OPCML: variants seen among roughly 807,000 people sequenced by gnomAD.
The protein encoded by OPCML is opioid-binding protein/cell adhesion molecule.
Under a neutral mutation model 37.8 loss-of-function variants are expected in OPCML, and 13 were observed. The observed-to-expected ratio is 0.34, with a 90% CI of 0.22 to 0.55. OPCML has a LOEUF of 0.55. Ranked by LOEUF, OPCML falls within the 20% of genes least tolerant of loss-of-function variation. OPCML has a pLI of 0.91. For synonymous variants in OPCML, 176 were observed against 168.8 expected (o/e 1.04, Z -0.33); for missense variants, 341 against 435.6 (o/e 0.78, Z 1.93).
chr11:133,099,425 G>A (rs893712858), intron 1 of OPCML, among the ~76,000 whole-genome samples: 1 of 148,542 alleles, frequency 6.7e-6, no homozygotes, highest in African/African-American at 2.5e-5. Context: ...ACCACACCTG[G>A]CTAATTTTCT....
chr11:132,490,059 A>G (rs1424421406), intron 4 of OPCML, among the ~76,000 whole-genome samples: 1 of 152,028 alleles, frequency 6.6e-6, no homozygotes, highest in African/African-American at 2.4e-5. Context: ...CATGGTGTAT[A>G]TGTGCCACAT....
At chr11:133,167,753 A>G (rs1950231002) in intron 1 of OPCML, among the ~76,000 whole-genome samples, 1 of 151,596 alleles carries the variant, frequency 6.6e-6, no homozygotes, top group African/African-American at 2.4e-5. Flanking sequence ...GCAGCAGTTC[A>G]CTCCAACACA....
At chr11:132,525,812 T>C (rs1161909521) in intron 4 of OPCML, 1 of 152,290 alleles carries the variant, frequency 6.6e-6, no homozygotes, top group Non-Finnish European at 1.5e-5. Context: ...ACCCGTCACC[T>C]ACATTAGGTA....
chr11:133,051,559 A>ACTTGCCTGCCCCACTC (rs1440602804), intron 1 of OPCML, among the ~76,000 whole-genome samples: 1 of 151,714 alleles, frequency 6.6e-6, no homozygotes, highest in Non-Finnish European at 1.5e-5. Context: ...TACCATTCTC[A>ACTTGCCTGCCCCACTC]CTTGCCTGCC....
At chr11:133,334,366 G>A (rs1184147628) in intron 1 of OPCML, among the ~76,000 whole-genome samples, 1 of 152,146 alleles carries the variant, frequency 6.6e-6, no homozygotes, top group African/African-American at 2.4e-5. Flanking sequence ...AAAGCTGGAG[G>A]CTATCATCCT....
chr11:132,560,271 C>T (rs1296411479), intron 3 of OPCML, among the ~76,000 whole-genome samples: 6 of 152,188 alleles, frequency 3.9e-5, no homozygotes, highest in Non-Finnish European at 8.8e-5. Flanking sequence ...ACAGGTCTCA[C>T]AGTTATATCA....
intron 3 of OPCML, among the ~76,000 whole-genome samples, chr11:132,650,777 G>A (rs952878910): frequency 1.2e-4 from 19 of 152,102 alleles, no homozygotes; most frequent in African/African-American, 4.6e-4. Context: ...CATTCTGCTG[G>A]CCTGTCCTGT....
intron 1 of OPCML, among the ~76,000 whole-genome samples, chr11:133,041,075 G>A (rs996776523): frequency 6.6e-5 from 10 of 152,164 alleles, no homozygotes; most frequent in African/African-American, 2.2e-4. Context: ...GAGAGTTTGA[G>A]TTCAAATCTC....
chr11:133,289,244 C>T (rs1227013179), intron 1 of OPCML, among the ~76,000 whole-genome samples: 1 of 152,146 alleles, frequency 6.6e-6, no homozygotes, highest in East Asian at 1.9e-4. Context: ...AAGGCAAATA[C>T]TTATGATTCC....
intron 1 of OPCML, among the ~76,000 whole-genome samples, chr11:133,027,656 G>A (rs968657447): frequency 6.9e-5 from 10 of 144,468 alleles, no homozygotes; most frequent in African/African-American, 2.6e-4. Context: ...TGATGCATGT[G>A]TGGGGCGTGT....
chr11:133,380,163 T>A (rs1592249360), intron 1 of OPCML, among the ~76,000 whole-genome samples: 1 of 151,386 alleles, frequency 6.6e-6, no homozygotes, highest in South Asian at 2.1e-4. Context: ...CAAGCAGGGG[T>A]TCAAGCAAAA....
At chr11:132,936,794 C>G (rs1156290442) in intron 2 of OPCML, among the ~76,000 whole-genome samples, 3 of 152,082 alleles carry the variant, frequency 2.0e-5, no homozygotes, top group Admixed American at 6.5e-5. Context: ...GGCCTGAGAA[C>G]GGATCAAGAT....
intron 1 of OPCML, among the ~76,000 whole-genome samples, chr11:133,529,976 C>T (rs1345568442): frequency 6.6e-6 from 1 of 152,158 alleles, no homozygotes; most frequent in Non-Finnish European, 1.5e-5. Context: ...CTTGTTCTTA[C>T]CGGGCTCCTG....
chr11:133,019,361 A>G (rs749477221), intron 1 of OPCML, among the ~76,000 whole-genome samples: 2 of 152,178 alleles, frequency 1.3e-5, no homozygotes, highest in Non-Finnish European at 2.9e-5. Flanking sequence ...CCCAGCCCCA[A>G]GGTGACCTCT....
chr11:133,270,661 C>T (rs1241186356), intron 1 of OPCML, among the ~76,000 whole-genome samples: 5 of 152,106 alleles, frequency 3.3e-5, no homozygotes, highest in South Asian at 2.1e-4. Flanking sequence ...AGGTGGTTTT[C>T]GTGGTTTATA....
At chr11:132,599,061 G>A (rs892549928) in intron 3 of OPCML, among the ~76,000 whole-genome samples, 1 of 152,106 alleles carries the variant, frequency 6.6e-6, no homozygotes, top group Non-Finnish European at 1.5e-5. Context: ...GGTGGATCAC[G>A]TGAGGCCAGG....
At chr11:133,016,172 C>T (rs1210681423) in intron 1 of OPCML, among the ~76,000 whole-genome samples, 3 of 152,182 alleles carry the variant, frequency 2.0e-5, no homozygotes, top group African/African-American at 7.2e-5. Context: ...TTTATTATCT[C>T]AAAGTGTGTA....
chr11:132,435,495 T>C (rs975008622), intron 7 of OPCML, among the ~76,000 whole-genome samples: 1 of 152,002 alleles, frequency 6.6e-6, no homozygotes, highest in Non-Finnish European at 1.5e-5. Context: ...TGTGGGAAAA[T>C]GGAGTTAGGG....
intron 1 of OPCML, among the ~76,000 whole-genome samples, chr11:133,355,351 GT>G (rs1430859159): frequency 1.3e-5 from 2 of 152,182 alleles, no homozygotes; most frequent in Non-Finnish European, 2.9e-5. Context: ...TTCACAACAT[GT>G]CCTGAGTCAT....
Sources: allele counts gnomAD v4.1 joint callset (sites outside exome capture counted in the v4.1 genomes callset), GRCh38; gene constraint gnomAD v4.1.1; transcripts MANE v1.5; gene names NCBI Gene and HGNC (gene_info 2026-07-23, HGNC 2026-07-21).